LRP2: variants seen among roughly 807,000 people sequenced by gnomAD.
The protein encoded by LRP2 is low-density lipoprotein receptor-related protein 2.
In LRP2, 172 loss-of-function variants were observed where a neutral mutation model predicts 531.0. The observed-to-expected ratio is 0.32, with a 90% CI of 0.29 to 0.37. LRP2 has a LOEUF of 0.37. Ranked by LOEUF, LRP2 falls within the 10% of genes least tolerant of loss-of-function variation. LRP2 has a pLI of 1.00. For synonymous variants in LRP2, 1,992 were observed against 2,027.6 expected (o/e 0.98, Z 0.47); for missense variants, 5,167 against 5,868.3 (o/e 0.88, Z 3.90).
At chr2:169,244,170 C>T (rs563407826) in intron 22 of LRP2, among the ~76,000 whole-genome samples, 2 of 152,268 alleles carry the variant, frequency 1.3e-5, no homozygotes, top group South Asian at 4.2e-4. Context: ...GGGAACTTTG[C>T]TCCATCTTAA....
chr2:169,182,204 C>G lies in LRP2; in HGVS notation c.9961G>C (p.Asp3321His), dbSNP rs1687465898. The change falls in exon 51 of 79, where the codon GAT (aspartate) becomes CAT (histidine). Residue 3321 changes from aspartate (D) to histidine (H), a missense_variant. By Grantham distance (81) the Asp-to-His change is moderately conservative. This residue lies in a region of LRP2 where 1,129 missense variants were observed against 1,362.7 expected (regional missense o/e 0.83). Coordinates refer to ENST00000649046, the MANE Select transcript of LRP2 (RefSeq NM_004525.3). ...CVDANNTFCF[D>H]NPRGLALHPQ... Reference sequence around the variant, plus strand: ...TGAAGGGCAAGTCCTCTGGGATTATCAAAGCAGAAGGTGTTGTTGGCATCC... The same window carrying G: ...TGAAGGGCAAGTCCTCTGGGATTATGAAAGCAGAAGGTGTTGTTGGCATCC... 2 of 1,614,106 alleles carry G rather than the reference C, an allele frequency of 1.2e-6. No individual in the cohort carries two copies. The highest frequency in any genetic ancestry group is 1.7e-6 in the Non-Finnish European group (2 of 1,179,996).
Position 169,305,742 on chromosome 2 carries a change from C to A in LRP2, c.427+1539G>T, listed in dbSNP as rs576493750. Among the ~76,000 whole-genome samples, 8 of 152,298 alleles carry A rather than the reference C, an allele frequency of 5.3e-5. 1 individual carries two copies. The South Asian group carries it at 1.7e-3, about 32-fold the overall frequency. The stretch of plus-strand genomic sequence containing the variant: ...AGGAACCGCATATGGCTCTTTCGGT[C>A]AACGACAGACCGCATGGACTACATG... On this transcript the variant is annotated intron_variant, in intron 4 of 78. Transcript: ENST00000649046.
intron 62 of LRP2, among the ~76,000 whole-genome samples, chr2:169,162,936 T>G (rs1208745151): frequency 6.6e-6 from 1 of 152,250 alleles, no homozygotes; most frequent in Non-Finnish European, 1.5e-5. Context: ...CCTTTATGAG[T>G]GCTCAATAAG....
chr2:169,191,822 C>T lies in LRP2; in HGVS notation c.9032+10G>A, dbSNP rs1266308287. The T allele has an allele frequency of 6.2e-7, 1 of 1,613,456 alleles. No homozygotes were observed. The highest frequency in any genetic ancestry group is 1.1e-5 in the South Asian group (1 of 91,062). On this transcript the variant is annotated intron_variant, in intron 48 of 78. Coordinates refer to ENST00000649046, the MANE Select transcript of LRP2 (RefSeq NM_004525.3). ...AGGCATGCTGGGTAACTTCTGAATC[C>T]TCAATTCACCTGAATATCTTTGGGA...
At chr2:169,334,883 G>C (rs1461576375) in intron 1 of LRP2, among the ~76,000 whole-genome samples, 1 of 152,174 alleles carries the variant, frequency 6.6e-6, no homozygotes, top group African/African-American at 2.4e-5. Context: ...AAGCACAGCC[G>C]TCCCTCCATG....
At chr2:169,200,566 T>A (rs1364714826) in intron 44 of LRP2, among the ~76,000 whole-genome samples, 1 of 152,192 alleles carries the variant, frequency 6.6e-6, no homozygotes, top group African/African-American at 2.4e-5. Flanking sequence ...AGCACTGTAT[T>A]AAAACTCATC....
intron 1 of LRP2, among the ~76,000 whole-genome samples, chr2:169,358,912 A>AG (rs530555729): frequency 2.2e-4 from 34 of 151,196 alleles, no homozygotes; most frequent in African/African-American, 5.8e-4. Context: ...AAAAAAAAAA[A>AG]AAAAGAAAAA....
intron 4 of LRP2, among the ~76,000 whole-genome samples, chr2:169,295,351 T>A (rs1188854818): frequency 6.6e-6 from 1 of 152,240 alleles, no homozygotes; most frequent in Non-Finnish European, 1.5e-5. Flanking sequence ...TGGTAAAGCA[T>A]GTTGAAAAGC....
At chr2:169,192,379 T>C (rs544513058) in intron 47 of LRP2, among the ~76,000 whole-genome samples, 163 of 152,334 alleles carry the variant, frequency 1.1e-3, no homozygotes, top group Middle Eastern at 3.4e-3. Context: ...TTGGTAACTT[T>C]TTTTAGTTTA....
chr2:169,129,634 A>T (rs1356308663), intron 77 of LRP2, among the ~76,000 whole-genome samples: 2 of 152,210 alleles, frequency 1.3e-5, no homozygotes, highest in Non-Finnish European at 2.9e-5. Context: ...TAAGAGTTTT[A>T]CAAGTTTCTG....
intron 3 of LRP2, among the ~76,000 whole-genome samples, chr2:169,312,706 T>C (rs1444251761): frequency 6.6e-6 from 1 of 152,188 alleles, no homozygotes; most frequent in Non-Finnish European, 1.5e-5. Flanking sequence ...TCGAGGTATG[T>C]CTTTGTGGCA....
rs187129669 is a variant in LRP2, at chr2:169,129,242, T to A, written c.13729-158A>T. On this transcript the variant is annotated intron_variant, in intron 77 of 78. Transcript: ENST00000649046. ...CAGCCCATATGGTAAATTGTTCAAT[T>A]CCTCCTATGGTCCCTGAACAGTAAC... 2.0e-5 allele frequency among the ~76,000 whole-genome samples: 3 copies of A among 152,348 alleles called. No individual in the cohort carries two copies. In the East Asian group the frequency reaches 5.8e-4, roughly 29 times the overall value.
At chr2:169,229,215 G>A (rs1049098947) in intron 31 of LRP2, among the ~76,000 whole-genome samples, 2 of 152,148 alleles carry the variant, frequency 1.3e-5, no homozygotes, top group Admixed American at 1.3e-4. Flanking sequence ...CGGTTAAGTA[G>A]GTCAGTGTGT....
rs1325736906 is a variant in LRP2, at chr2:169,270,791, T to TAAATAAATAAATAAAA, written c.2320+112_2320+113insTTTTATTTATTTATTT. ...ATAAATAAATAAATAAATAAATAAA[T>TAAATAAATAAATAAAA]AAGACTGCTTAAAAATTAGATACTG... On this transcript the variant is annotated intron_variant, in intron 16 of 78. Coordinates refer to ENST00000649046, the MANE Select transcript of LRP2 (RefSeq NM_004525.3). 23 of 482,114 alleles carry TAAATAAATAAATAAAA rather than the reference T, an allele frequency of 4.8e-5. No individual in the cohort carries two copies. The African/African-American group carries it at 5.1e-4, about 11-fold the overall frequency. The allele number at this position is 482,114 out of a possible 1,614,324, so 29.9% of individuals were successfully genotyped here. A position where few individuals can be genotyped will look rare whatever the true frequency, so the allele number is the denominator to read the frequency against.
chr2:169,245,821 G>T (rs1689984047), intron 21 of LRP2, among the ~76,000 whole-genome samples: 1 of 152,132 alleles, frequency 6.6e-6, no homozygotes, highest in Non-Finnish European at 1.5e-5. Context: ...TATTCTCTCG[G>T]TTGCTAAATG....
At chr2:169,291,152 A>C (rs1683988976) in intron 7 of LRP2, among the ~76,000 whole-genome samples, 155 bp from the exon 8 acceptor site, 1 of 152,148 alleles carries the variant, frequency 6.6e-6, no homozygotes, top group Non-Finnish European at 1.5e-5. Context: ...TAACTCTACC[A>C]CTAGTCTTTT....
rs563070700 is a variant in LRP2, at chr2:169,279,297, A to G, written c.1565+75T>C. ...ATCAGAATGAGCCTTTGATTAATCCAGTAGATGTTCAGTGTATAGAGGGAG... is the reference window on the plus strand; with the variant it reads ...ATCAGAATGAGCCTTTGATTAATCCGGTAGATGTTCAGTGTATAGAGGGAG... On this transcript the variant is annotated intron_variant, in intron 12 of 78. Coordinates refer to ENST00000649046, the MANE Select transcript of LRP2 (RefSeq NM_004525.3). 4 of 1,055,466 alleles carry G rather than the reference A, an allele frequency of 3.8e-6. No individual in the cohort carries two copies. The African/African-American group carries it at 6.2e-5, about 16-fold the overall frequency. 65.4% of individuals were successfully genotyped at this position (1,055,466 alleles called of 1,614,324 possible).
rs749942746 is a variant in LRP2, at chr2:169,259,083, G to C, written c.2455C>G (p.Arg819Gly). Residue 819 changes from arginine to glycine, a missense_variant, in exon 17 of 79, where the codon CGC becomes GGC. By Grantham distance (125) the Arg-to-Gly change is moderately radical. This residue lies in a region of LRP2 where 2,811 missense variants were observed against 3,058.0 expected (regional missense o/e 0.92). Transcript: ENST00000649046. ...TTATTTAAATACTGAACTACTGTGCGTCTCGTTTTATCAGCTAGCCTCATG... is the reference window on the plus strand; with the variant it reads ...TTATTTAAATACTGAACTACTGTGCCTCTCGTTTTATCAGCTAGCCTCATG... ...SVMRLADKTR[R>G]TVVQYLNNPR... 6.2e-7 allele frequency: 1 copy of C among 1,613,346 alleles called. No individual in the cohort carries two copies. The highest frequency in any genetic ancestry group is 1.1e-5 in the South Asian group (1 of 91,052).
chr2:169,139,728 A>C (rs1685652064), intron 72 of LRP2, 118 bp from the exon 73 acceptor site: 9 of 867,824 alleles, frequency 1.0e-5, no homozygotes, highest in Non-Finnish European at 1.6e-5. Context: ...TGTTGAACAG[A>C]CAATGTATCC....
Sources: allele counts gnomAD v4.1 joint callset (sites outside exome capture counted in the v4.1 genomes callset), GRCh38; gene constraint gnomAD v4.1.1; regional missense constraint gnomAD v4.1.1; transcripts MANE v1.5; gene names NCBI Gene and HGNC (gene_info 2026-07-23, HGNC 2026-07-21).